UNC5D: variants seen among roughly 807,000 people sequenced by gnomAD.
UNC5D encodes the protein netrin receptor UNC5D.
UNC5D carries 39 observed loss-of-function variants against 105.4 expected under a neutral mutation model. The ratio of observed to expected loss-of-function variants is 0.37; its 90% CI spans 0.29 to 0.48. The LOEUF (loss-of-function observed/expected upper bound fraction) is 0.48, where lower values mean the gene tolerates loss of function less well. Among genes scored for constraint, UNC5D ranks in the 20% least tolerant of loss-of-function variants. The probability of loss-of-function intolerance (pLI) is 0.98; values close to 1 mark genes in which losing one functional copy is unlikely to be tolerated. For synonymous variants in UNC5D, 452 were observed against 450.4 expected (o/e 1.00, Z -0.04); for missense variants, 991 against 1,202.4 (o/e 0.82, Z 2.60).
chr8:35,726,101 A>C (rs1169956435), intron 9 of UNC5D, 51 bp from the exon 10 acceptor site: 1 of 1,562,898 alleles, frequency 6.4e-7, no homozygotes, highest in South Asian at 1.2e-5. Flanking sequence ...GTACAGGAGT[A>C]ACTGAGATGC....
chr8:35,648,698 A>AG, intron 4 of UNC5D, among the ~76,000 whole-genome samples: 1 of 151,744 alleles, frequency 6.6e-6, no homozygotes, highest in Admixed American at 6.6e-5. Context: ...AAAAAAAAAA[A>AG]AAAGGAGAGA....
intron 4 of UNC5D, 29 bp downstream of exon 4, chr8:35,595,686 G>A (rs781519859): frequency 3.1e-6 from 5 of 1,604,412 alleles, no homozygotes; most frequent in East Asian, 2.2e-5. Flanking sequence ...ACCAGTCACC[G>A]GGAGGAACCA....
chr8:35,747,103 C>A (rs1317691765), intron 11 of UNC5D, among the ~76,000 whole-genome samples: 1 of 152,168 alleles, frequency 6.6e-6, no homozygotes, highest in Non-Finnish European at 1.5e-5. Context: ...ACTGTGGTTA[C>A]TTTTGTGGAA....
intron 14 of UNC5D, 61 bp from the exon 15 acceptor site, chr8:35,766,841 C>T: frequency 6.5e-7 from 1 of 1,535,332 alleles, no homozygotes; most frequent in Non-Finnish European, 8.8e-7. Context: ...TAAGTCTCTC[C>T]TGTTCTAGTT....
intron 1 of UNC5D, among the ~76,000 whole-genome samples, chr8:35,519,904 A>T (rs1380313791): frequency 6.6e-6 from 1 of 152,098 alleles, no homozygotes; most frequent in Admixed American, 6.5e-5. Flanking sequence ...AATCAAAAAG[A>T]CAGATGATAA....
chr8:35,669,611 C>G (rs1824645265), intron 4 of UNC5D, among the ~76,000 whole-genome samples: 1 of 152,088 alleles, frequency 6.6e-6, no homozygotes, highest in Non-Finnish European at 1.5e-5. Context: ...GTTACAGTGT[C>G]CCAATGACCT....
chr8:35,362,177 A>G (rs1422495707), intron 1 of UNC5D, among the ~76,000 whole-genome samples: 1 of 152,220 alleles, frequency 6.6e-6, no homozygotes. Context: ...TTTGCTAAAA[A>G]TAACTCTTTC....
At chr8:35,251,960 C>T (rs1485519285) in intron 1 of UNC5D, among the ~76,000 whole-genome samples, 2 of 151,608 alleles carry the variant, frequency 1.3e-5, no homozygotes, top group African/African-American at 4.8e-5. Context: ...ATAGCATAGG[C>T]ATTACATCTA....
intron 4 of UNC5D, among the ~76,000 whole-genome samples, chr8:35,668,387 AACG>A (rs1824568109): frequency 1.3e-5 from 2 of 152,162 alleles, no homozygotes; most frequent in Non-Finnish European, 2.9e-5. Context: ...ATGTTGGTAT[AACG>A]ACACTTTGTC....
chr8:35,496,698 T>A (rs1038456746), intron 1 of UNC5D, among the ~76,000 whole-genome samples: 2 of 152,176 alleles, frequency 1.3e-5, no homozygotes, highest in Non-Finnish European at 2.9e-5. Context: ...TTTTAGTATA[T>A]TTTTAGAACT....
At chr8:35,421,280 T>C (rs1805882545) in intron 1 of UNC5D, among the ~76,000 whole-genome samples, 1 of 152,208 alleles carries the variant, frequency 6.6e-6, no homozygotes, top group Non-Finnish European at 1.5e-5. Flanking sequence ...GTACAGGCTT[T>C]GTGCTAGGTA....
At chr8:35,422,742 T>C (rs899100523) in intron 1 of UNC5D, among the ~76,000 whole-genome samples, 1 of 152,152 alleles carries the variant, frequency 6.6e-6, no homozygotes, top group African/African-American at 2.4e-5. Flanking sequence ...ATGTGCCAGG[T>C]AGTAGGGAAA....
At chr8:35,739,041 G>A (rs768218468) in intron 11 of UNC5D, among the ~76,000 whole-genome samples, 1 of 152,150 alleles carries the variant, frequency 6.6e-6, no homozygotes, top group Non-Finnish European at 1.5e-5. Flanking sequence ...TGCCTCCCAG[G>A]TAACAAAGGG....
At chr8:35,415,817 A>G (rs1405295126) in intron 1 of UNC5D, among the ~76,000 whole-genome samples, 1 of 152,144 alleles carries the variant, frequency 6.6e-6, no homozygotes, top group Non-Finnish European at 1.5e-5. Context: ...TCAATCATGT[A>G]TACTACATAA....
intron 3 of UNC5D, among the ~76,000 whole-genome samples, chr8:35,595,287 GT>G (rs938662882): frequency 4.0e-5 from 6 of 151,080 alleles, no homozygotes; most frequent in East Asian, 3.9e-4. Flanking sequence ...GGTGTTCTGT[GT>G]TTTTTTTTCC....
chr8:35,241,723 T>C (rs1020591027), intron 1 of UNC5D, among the ~76,000 whole-genome samples: 12 of 151,560 alleles, frequency 7.9e-5, no homozygotes, highest in African/African-American at 2.7e-4. Flanking sequence ...TACATGTACA[T>C]AGTTTTGGGG....
chr8:35,683,805 C>A, intron 5 of UNC5D, 78 bp downstream of exon 5: 1 of 1,339,312 alleles, frequency 7.5e-7, no homozygotes, highest in Non-Finnish European at 9.6e-7. Flanking sequence ...TTAAAACTTT[C>A]AATGTCGAGA....
At chr8:35,429,220 G>A (rs1806459606) in intron 1 of UNC5D, among the ~76,000 whole-genome samples, 1 of 152,110 alleles carries the variant, frequency 6.6e-6, no homozygotes. Context: ...GGAATCCTGT[G>A]GGTTAGTCTT....
intron 1 of UNC5D, among the ~76,000 whole-genome samples, chr8:35,356,716 A>G (rs1198597472): frequency 2.0e-5 from 3 of 151,958 alleles, no homozygotes; most frequent in Non-Finnish European, 2.9e-5. Flanking sequence ...TGGCCAATCC[A>G]AATTGCCTGC....
Sources: gnomAD v4.1 joint callset for allele counts (sites outside exome capture counted in the v4.1 genomes callset) on GRCh38, gnomAD v4.1.1 for gene constraint, MANE v1.5 for transcripts, NCBI Gene and HGNC (gene_info 2026-07-23, HGNC 2026-07-21) for gene names.